The following TPD52 variants were observed in gnomAD, a reference collection of about 807,000 sequenced individuals.
TPD52 encodes tumor protein D52.
A neutral mutation model predicts 31.3 loss-of-function variants in TPD52; 17 were observed. That is an observed-to-expected ratio of 0.54 (90% CI 0.37 to 0.82). TPD52 has a LOEUF of 0.82. TPD52 is among the 40% of genes least tolerant of loss of function. TPD52 has a pLI of 0.00. For synonymous variants in TPD52, 83 were observed against 89.6 expected (o/e 0.93, Z 0.42); for missense variants, 212 against 240.1 (o/e 0.88, Z 0.77).
At chr8:80,064,441 G>T in intron 2 of TPD52, 37 bp downstream of exon 2, 1 of 1,481,980 alleles carries the variant, frequency 6.7e-7, no homozygotes, top group Non-Finnish European at 9.4e-7. Flanking sequence ...TACATTTTAA[G>T]TGCAAAAATA....
At chr8:80,161,972 G>A (rs1390100367) in intron 1 of TPD52, among the ~76,000 whole-genome samples, 2 of 151,878 alleles carry the variant, frequency 1.3e-5, no homozygotes, top group Admixed American at 6.6e-5. Flanking sequence ...CAAGTGATCC[G>A]CCCACTTCAG....
chr8:80,043,535 AG>A (rs1301690934), intron 6 of TPD52, among the ~76,000 whole-genome samples: 1 of 152,202 alleles, frequency 6.6e-6, no homozygotes, highest in East Asian at 1.9e-4. Flanking sequence ...TGCAGCTATC[AG>A]GAAGTCATAA....
chr8:80,158,045 G>A lies in TPD52; in HGVS notation c.19+13380C>T, dbSNP rs142322287. Among the ~76,000 whole-genome samples, 54 of 152,238 alleles carry A rather than the reference G, an allele frequency of 3.5e-4. No homozygotes were observed. The East Asian group carries it at 9.3e-3, about 26-fold the overall frequency. ...TCCTCTCTACTGAGGAACTAAAAAC[G>A]ACATTCAAATTTAATATCTATAGTC... On this transcript the variant is annotated intron_variant, in intron 1 of 7. Transcript: ENST00000518937.
chr8:80,135,518 T>C (rs1198296444), intron 1 of TPD52, among the ~76,000 whole-genome samples: 1 of 152,154 alleles, frequency 6.6e-6, no homozygotes, highest in African/African-American at 2.4e-5. Context: ...TTTCTGATAA[T>C]TACTACTTAA....
intron 1 of TPD52, among the ~76,000 whole-genome samples, chr8:80,164,938 T>C (rs1408464968): frequency 7.3e-6 from 1 of 136,334 alleles, no homozygotes; most frequent in African/African-American, 2.8e-5. Flanking sequence ...GAGCTATTAG[T>C]ATTTCTTCTT....
At chr8:80,104,881 G>A (rs1009886227) in intron 1 of TPD52, among the ~76,000 whole-genome samples, 12 of 151,338 alleles carry the variant, frequency 7.9e-5, no homozygotes, top group East Asian at 1.9e-4. Flanking sequence ...GCAACGTGGC[G>A]AAACCCCATC....
At chr8:80,155,836 T>C (rs1205468237) in intron 1 of TPD52, among the ~76,000 whole-genome samples, 4 of 151,508 alleles carry the variant, frequency 2.6e-5, no homozygotes, top group Non-Finnish European at 5.9e-5. Context: ...TGAGCCAAGA[T>C]TGTGCCATTG....
chr8:80,131,954 T>C (rs1809048298), intron 1 of TPD52, among the ~76,000 whole-genome samples: 2 of 152,032 alleles, frequency 1.3e-5, no homozygotes, highest in Non-Finnish European at 2.9e-5. Context: ...ATGTATGAAA[T>C]GGTGAAATCT....
intron 1 of TPD52, among the ~76,000 whole-genome samples, chr8:80,139,834 T>A (rs2131135659): frequency 6.6e-6 from 1 of 152,172 alleles, no homozygotes; most frequent in African/African-American, 2.4e-5. Flanking sequence ...ATACAAGACA[T>A]TTACAAATGG....
chr8:80,149,893 C>A (rs1483964229), intron 1 of TPD52, among the ~76,000 whole-genome samples: 1 of 152,156 alleles, frequency 6.6e-6, no homozygotes, highest in African/African-American at 2.4e-5. Flanking sequence ...AAAGAAAAAC[C>A]CATTTTCTAG....
At chr8:80,155,988 C>G (rs1237633967) in intron 1 of TPD52, among the ~76,000 whole-genome samples, 1 of 152,074 alleles carries the variant, frequency 6.6e-6, no homozygotes, top group Non-Finnish European at 1.5e-5. Flanking sequence ...TTAAGGTCTG[C>G]TCCAGTTATC....
intron 1 of TPD52, among the ~76,000 whole-genome samples, chr8:80,081,752 TTTTA>T (rs1815313745): frequency 2.0e-5 from 3 of 152,176 alleles, no homozygotes; most frequent in African/African-American, 4.8e-5. Context: ...TGCTGGATGA[TTTTA>T]TTTGTTATTT....
At chr8:80,047,613 C>A (rs1426533378) in intron 5 of TPD52, among the ~76,000 whole-genome samples, 1 of 152,078 alleles carries the variant, frequency 6.6e-6, no homozygotes, top group African/African-American at 2.4e-5. Context: ...AATGAATAAA[C>A]AATTTTGATA....
At chr8:80,146,408 G>C (rs190308208) in intron 1 of TPD52, among the ~76,000 whole-genome samples, 2 of 152,166 alleles carry the variant, frequency 1.3e-5, no homozygotes, top group East Asian at 3.8e-4. Context: ...CCCATTTCAG[G>C]TTCAGTTTAT....
chr8:80,170,933 T>C, intron 1 of TPD52: 1 of 337,700 alleles, frequency 3.0e-6, no homozygotes, highest in Non-Finnish European at 5.7e-6. Context: ...AAACCCCCCA[T>C]GGGTCATACG....
intron 2 of TPD52, among the ~76,000 whole-genome samples, chr8:80,056,266 C>A (rs1028570046): frequency 7.2e-5 from 11 of 152,134 alleles, no homozygotes; most frequent in African/African-American, 2.7e-4. Flanking sequence ...AAATCAGGCA[C>A]AGAAAGATAA....
intron 1 of TPD52, among the ~76,000 whole-genome samples, chr8:80,073,053 G>A (rs899736731): frequency 1.3e-5 from 2 of 151,724 alleles, no homozygotes; most frequent in Admixed American, 1.3e-4. Flanking sequence ...GCAGTGAGCC[G>A]AGATCACCCA....
At chr8:80,045,184 T>TATA (rs1457595556) in intron 5 of TPD52, among the ~76,000 whole-genome samples, 2 of 152,300 alleles carry the variant, frequency 1.3e-5, no homozygotes, top group East Asian at 3.9e-4. Context: ...GGTATAAGAG[T>TATA]ATAATAATCT....
At chr8:80,077,231 C>T (rs1175992978) in intron 1 of TPD52, among the ~76,000 whole-genome samples, 2 of 149,536 alleles carry the variant, frequency 1.3e-5, no homozygotes, top group Non-Finnish European at 3.0e-5. Context: ...GCCAAGGTTG[C>T]ACCACTGCAC....
Sources: allele counts gnomAD v4.1 joint callset (sites outside exome capture counted in the v4.1 genomes callset), GRCh38; gene constraint gnomAD v4.1.1; transcripts MANE v1.5; gene names NCBI Gene and HGNC (gene_info 2026-07-23, HGNC 2026-07-21).